The following RBPJ variants were observed in gnomAD, a reference collection of about 807,000 sequenced individuals.
RBPJ encodes recombination signal binding protein for immunoglobulin kappa J region, also known as recombining binding protein suppressor of hairless.
A neutral mutation model predicts 67.8 loss-of-function variants in RBPJ; 9 were observed. That is an observed-to-expected ratio of 0.13 (90% CI 0.08 to 0.23). The LOEUF is 0.23. Among genes scored for constraint, RBPJ ranks in the 10% least tolerant of loss-of-function variants. The pLI is 1.00. For synonymous variants in RBPJ, 198 were observed against 203.3 expected (o/e 0.97, Z 0.22); for missense variants, 305 against 595.6 (o/e 0.51, Z 5.08).
At chr4:26,301,068 A>G (rs1211705040) in intron 1 of RBPJ, among the ~76,000 whole-genome samples, 1 of 152,230 alleles carries the variant, frequency 6.6e-6, no homozygotes, top group Non-Finnish European at 1.5e-5. Context: ...GGGACTGCTG[A>G]TCCAATGACT....
At chr4:26,183,370 T>C (rs1244045339) in intron 1 of RBPJ, among the ~76,000 whole-genome samples, 2 of 152,254 alleles carry the variant, frequency 1.3e-5, no homozygotes, top group South Asian at 2.1e-4. Context: ...CAATTCCTTT[T>C]TACAAGGCAG....
chr4:26,231,698 C>T (rs1194074055), intron 1 of RBPJ, among the ~76,000 whole-genome samples: 2 of 151,782 alleles, frequency 1.3e-5, no homozygotes, highest in South Asian at 2.1e-4. Flanking sequence ...AGGCATGAGC[C>T]ACGGCGCCCA....
chr4:26,312,924 C>T (rs1389511944), intron 1 of RBPJ, among the ~76,000 whole-genome samples: 1 of 152,152 alleles, frequency 6.6e-6, no homozygotes, highest in African/African-American at 2.4e-5. Context: ...AACTTTTTCT[C>T]TGTGTGTATG....
chr4:26,210,760 T>TTTACTTCTTTACTTCTTTACTTCTTTCC (rs1718384146), intron 1 of RBPJ, among the ~76,000 whole-genome samples: 1 of 99,962 alleles, frequency 1.0e-5, no homozygotes, highest in African/African-American at 4.1e-5. Flanking sequence ...TCCTTCTTTC[T>TTTACTTCTTTACTTCTTTACTTCTTTCC]TTCTTTCTTT....
At chr4:26,290,858 G>C (rs1020770668) in intron 1 of RBPJ, among the ~76,000 whole-genome samples, 24 of 150,838 alleles carry the variant, frequency 1.6e-4, no homozygotes, top group African/African-American at 4.4e-4. Flanking sequence ...TTCGAGAAGA[G>C]AATCGTAAAT....
At position 26,214,402 on chromosome 4, in the gene RBPJ, A is replaced by AAGAG. The variant is rs370702501; in HGVS notation, c.-167+50796_-167+50799dup. 8.7e-3 allele frequency among the ~76,000 whole-genome samples: 1,160 copies of AAGAG among 133,714 alleles called. 23 individuals carry two copies. The highest frequency in any genetic ancestry group is 0.032 in the African/African-American group (1,096 of 34,442). 87.7% of individuals were successfully genotyped at this position (133,714 alleles called of 152,430 possible). A position where few individuals can be genotyped will look rare whatever the true frequency, so the allele number is the denominator to read the frequency against. The stretch of plus-strand genomic sequence containing the variant: ...GAGAAAGAAGGGGAGGGAGGGAGGG[A>AAGAG]AGAGAGAGAGAAAGAAAGAAAGAGA... On this transcript the variant is annotated intron_variant, in intron 1 of 4. Coordinates refer to the RBPJ transcript ENST00000512351.
intron 1 of RBPJ, among the ~76,000 whole-genome samples, chr4:26,289,511 A>G (rs914681505): frequency 6.6e-6 from 1 of 150,642 alleles, no homozygotes; most frequent in Admixed American, 6.6e-5. Context: ...AGGTGAAAAG[A>G]GAAGCGTGAT....
rs544198948 is a variant in RBPJ, at chr4:26,377,875, GACAAA to G, written c.21-8470_21-8466del. Among the ~76,000 whole-genome samples, 43 of 152,276 alleles carry G rather than the reference GACAAA, an allele frequency of 2.8e-4. No homozygotes were observed. The East Asian group carries it at 7.1e-3, about 25-fold the overall frequency. On this transcript the variant is annotated intron_variant, in intron 1 of 10. Coordinates refer to ENST00000355476, the MANE Select transcript of RBPJ (RefSeq NM_015874.6). ...TACCTAAGCCAAACTTAATTGGTAAGACAAAACAAAACTTCTTTGTCAAATTATAT... is the reference window on the plus strand; with the variant it reads ...TACCTAAGCCAAACTTAATTGGTAAGACAAAACTTCTTTGTCAAATTATAT...
intron 2 of RBPJ, among the ~76,000 whole-genome samples, chr4:26,404,984 T>C (rs923359714): frequency 1.3e-5 from 2 of 152,230 alleles, no homozygotes; most frequent in Non-Finnish European, 2.9e-5. Flanking sequence ...TTAATTACAA[T>C]TTGGACTTTG....
At chr4:26,301,679 AT>A (rs1277690832) in intron 1 of RBPJ, among the ~76,000 whole-genome samples, 1 of 152,114 alleles carries the variant, frequency 6.6e-6, no homozygotes, top group Non-Finnish European at 1.5e-5. Flanking sequence ...ATAATAGAAA[AT>A]TTCAATAAAA....
chr4:26,148,495 G>A, the RBPJ span, among the ~76,000 whole-genome samples: 2 of 152,338 alleles, frequency 1.3e-5, no homozygotes, highest in East Asian at 3.9e-4. Flanking sequence ...GCAAGTGTGA[G>A]AGGAGGATTC....
chr4:26,195,631 G>A (rs1717731895), intron 1 of RBPJ, among the ~76,000 whole-genome samples: 1 of 151,990 alleles, frequency 6.6e-6, no homozygotes, highest in African/African-American at 2.4e-5. Context: ...GTCTCACTCG[G>A]TCGCCCAGGC....
chr4:26,228,512 A>G (rs909232861), intron 1 of RBPJ, among the ~76,000 whole-genome samples: 3 of 151,942 alleles, frequency 2.0e-5, no homozygotes, highest in Non-Finnish European at 2.9e-5. Context: ...TCCAATTCCG[A>G]TTTCATTCTA....
chr4:26,357,267 C>G (rs1411206564), intron 1 of RBPJ, among the ~76,000 whole-genome samples: 2 of 152,038 alleles, frequency 1.3e-5, no homozygotes, highest in African/African-American at 4.8e-5. Context: ...TACAGTGATC[C>G]TGTGCTGTAA....
chr4:26,362,494 C>G, intron 1 of RBPJ: 1 of 1,512,670 alleles, frequency 6.6e-7, no homozygotes, highest in Non-Finnish European at 8.8e-7. Flanking sequence ...TATAGTTCTT[C>G]GGAACCATTA....
Position 26,212,084 on chromosome 4 carries a change from A to G in RBPJ, c.-167+48470A>G, listed in dbSNP as rs115071998. 8.7e-3 allele frequency among the ~76,000 whole-genome samples: 1,319 copies of G among 152,224 alleles called. 14 individuals carry two copies. Among genetic ancestry groups the G allele is most frequent in the African/African-American group, 0.031 (1,270 of 41,520 alleles). On this transcript the variant is annotated intron_variant, in intron 1 of 4. Transcript: ENST00000512351. ...AACTCTGCTGATGCCCTGATCTCAG[A>G]CTTCTAGTCACCCAGTTTGTGGCAC...
intron 4 of RBPJ, among the ~76,000 whole-genome samples, chr4:26,419,530 C>G (rs139780160): frequency 6.6e-6 from 1 of 152,208 alleles, no homozygotes; most frequent in East Asian, 1.9e-4. Flanking sequence ...TTAACTGTTT[C>G]CTGAGTAGCA....
chr4:26,214,986 G>GGGAGGGAGGGAGGGAAGGAA (rs1560214251), intron 1 of RBPJ, among the ~76,000 whole-genome samples: 1 of 34,360 alleles, frequency 2.9e-5, no homozygotes, highest in Admixed American at 3.1e-4. Flanking sequence ...GAAGGAAGGA[G>GGGAGGGAGGGAGGGAAGGAA]GGAGGGAGGG....
At chr4:26,427,050 G>A (rs767046485) in intron 7 of RBPJ, among the ~76,000 whole-genome samples, 7 of 152,142 alleles carry the variant, frequency 4.6e-5, no homozygotes, top group Non-Finnish European at 8.8e-5. Flanking sequence ...ATAGCAATGC[G>A]GCCGTGGAAG....
Sources: allele counts gnomAD v4.1 joint callset (sites outside exome capture counted in the v4.1 genomes callset), GRCh38; gene constraint gnomAD v4.1.1; transcripts MANE v1.5; gene names NCBI Gene and HGNC (gene_info 2026-07-23, HGNC 2026-07-21).